The following ABCA5 variants were observed in gnomAD, a reference collection of about 807,000 sequenced individuals.
The protein encoded by ABCA5 is cholesterol transporter ABCA5.
In ABCA5, 163 loss-of-function variants were observed where a neutral mutation model predicts 206.0. That is an observed-to-expected ratio of 0.79 (90% CI 0.70 to 0.90). ABCA5 has a LOEUF of 0.90. ABCA5 is among the 40% of genes least tolerant of loss of function. The pLI, the probability that ABCA5 is intolerant of heterozygous loss-of-function variation, is 0.00. For missense variants in ABCA5, 1,859 were observed against 1,912.9 expected (o/e 0.97, Z 0.53); for synonymous variants, 609 against 613.8 (o/e 0.99, Z 0.11).
chr17:69,256,643 A>G (rs1262286964), intron 28 of ABCA5, among the ~76,000 whole-genome samples: 2 of 151,304 alleles, frequency 1.3e-5, no homozygotes, highest in Non-Finnish European at 2.9e-5. Context: ...TTTAGTAGAG[A>G]CAGGGTTTCA....
Position 69,270,975 on chromosome 17 carries a change from G to A in ABCA5, c.2892+187C>T, listed in dbSNP as rs1000799920. Among the ~76,000 whole-genome samples, 7 of 152,142 alleles carry A rather than the reference G, an allele frequency of 4.6e-5. No homozygotes were observed. The East Asian group carries it at 1.3e-3, about 29-fold the overall frequency. On this transcript the variant is annotated intron_variant, in intron 21 of 38. Transcript: ENST00000392676. ...TAATTTTTTAAAAAACTAAATTTCTGTAACTTTATATATTGGTCATCTGTG... is the reference window on the plus strand; with the variant it reads ...TAATTTTTTAAAAAACTAAATTTCTATAACTTTATATATTGGTCATCTGTG...
rs1478797331 is a variant in ABCA5, at chr17:69,327,116, G to A, written c.-80C>T. On this transcript the variant is annotated 5_prime_UTR_variant, in exon 1 of 39. Coordinates refer to ENST00000392676, the MANE Select transcript of ABCA5 (RefSeq NM_172232.4). ...CTCAGTCTGTTGACTCAGTGCGGGTGACCCAGCTGGGATCTGTGCGAGGGC... is the reference window on the plus strand; with the variant it reads ...CTCAGTCTGTTGACTCAGTGCGGGTAACCCAGCTGGGATCTGTGCGAGGGC... 6.6e-6 allele frequency: 1 copy of A among 152,042 alleles called. No individual in the cohort carries two copies. The allele number at this position is 152,042 out of a possible 1,614,324, so 9.4% of individuals were successfully genotyped here.
At chr17:69,252,356 T>C (rs2075024724) in intron 34 of ABCA5, among the ~76,000 whole-genome samples, 1 of 152,028 alleles carries the variant, frequency 6.6e-6, no homozygotes, top group South Asian at 2.1e-4. Flanking sequence ...TTTTGAAAGC[T>C]TGTCAAATGG....
chr17:69,254,257 T>C, intron 32 of ABCA5, 58 bp downstream of exon 32: 1 of 1,382,952 alleles, frequency 7.2e-7, no homozygotes, highest in Non-Finnish European at 9.7e-7. Context: ...ATTTTAAAAA[T>C]ATGAAATGCA....
rs2075451713 is a variant in ABCA5, at chr17:69,286,284, A to G, written c.2069T>C (p.Met690Thr). The G allele has an allele frequency of 6.3e-7, 1 of 1,591,110 alleles. No individual in the cohort carries two copies. Among genetic ancestry groups the G allele is most frequent in the Admixed American group, 1.9e-5 (1 of 51,570 alleles). The change falls in exon 16 of 39, where the codon ATG becomes ACG. Residue 690 changes from methionine to threonine, a missense_variant. Met to Thr is a moderately conservative substitution (Grantham distance 81, BLOSUM62 -1). Transcript: ENST00000392676. ...ADRKAVISQGMLKCVGSSMFL... is the reference protein window; with the variant it reads ...ADRKAVISQGTLKCVGSSMFL... Reference sequence around the variant, plus strand: ...CATTGAAGAACCAACACATTTCAGCATTCCTTGTGATATCACAGCTTTCCT... The same window carrying G: ...CATTGAAGAACCAACACATTTCAGCGTTCCTTGTGATATCACAGCTTTCCT...
intron 24 of ABCA5, among the ~76,000 whole-genome samples, chr17:69,263,278 T>C (rs1275172395): frequency 6.6e-6 from 1 of 152,216 alleles, no homozygotes; most frequent in Non-Finnish European, 1.5e-5. Context: ...GCAATTGCTT[T>C]TGAAGACTTA....
chr17:69,285,476 T>C (rs1376706456), intron 17 of ABCA5: 2 of 152,220 alleles, frequency 1.3e-5, no homozygotes, highest in Non-Finnish European at 2.9e-5. Context: ...TAAAAAATAA[T>C]GCCTCAATTA....
At chr17:69,250,012 A>C (rs1439394756) in intron 36 of ABCA5, 28 bp from the exon 37 acceptor site, 6 of 1,365,996 alleles carry the variant, frequency 4.4e-6, no homozygotes, top group Non-Finnish European at 5.9e-6. Flanking sequence ...ATATGGAAAA[A>C]AATTAAAAAT....
chr17:69,255,303 T>A (rs1228536958), intron 31 of ABCA5, among the ~76,000 whole-genome samples: 2 of 152,184 alleles, frequency 1.3e-5, no homozygotes, highest in Non-Finnish European at 2.9e-5. Context: ...AACTCACGCA[T>A]GTAAGCATTA....
intron 10 of ABCA5, 98 bp from the exon 11 acceptor site, chr17:69,294,811 TAAG>T (rs2075568646): frequency 3.0e-6 from 2 of 660,748 alleles, no homozygotes; most frequent in Non-Finnish European, 2.4e-6. Flanking sequence ...TCACATTTTA[TAAG>T]AATAATAAAA....
At chr17:69,287,555 T>C in intron 15 of ABCA5, 58 bp downstream of exon 15, 4 of 1,557,276 alleles carry the variant, frequency 2.6e-6, no homozygotes, top group East Asian at 2.3e-5. Flanking sequence ...AGCATCTCTA[T>C]ATCCATCTTC....
At chr17:69,322,803 CAT>C (rs2075875045) in intron 1 of ABCA5, among the ~76,000 whole-genome samples, 2 of 152,056 alleles carry the variant, frequency 1.3e-5, no homozygotes, top group South Asian at 4.1e-4. Context: ...AAATTATTTT[CAT>C]AGAGACCTGA....
chr17:69,265,899 A>G (rs140004177), intron 23 of ABCA5, among the ~76,000 whole-genome samples: 33 of 152,328 alleles, frequency 2.2e-4, no homozygotes, highest in Non-Finnish European at 4.1e-4. Context: ...TAAAATTAAC[A>G]TGTATAATTC....
rs2074963488 is a variant in ABCA5, at chr17:69,247,461, A to T, written c.*76T>A. 2 of 1,021,474 alleles carry T rather than the reference A, an allele frequency of 2.0e-6. No individual in the cohort carries two copies. The highest frequency in any genetic ancestry group is 2.9e-6 in the Non-Finnish European group (2 of 689,662). The allele number at this position is 1,021,474 out of a possible 1,614,324, so 63.3% of individuals were successfully genotyped here. A position where few individuals can be genotyped will look rare whatever the true frequency, so the allele number is the denominator to read the frequency against. On this transcript the variant is annotated 3_prime_UTR_variant, in exon 39 of 39. Transcript: ENST00000392676. ...TTGGTTCTCCAGTTACCATTCCAAT[A>T]AAAAACTTTTTAAACCAAAGTTAAA...
intron 37 of ABCA5, 104 bp downstream of exon 37, chr17:69,249,801 T>C: frequency 1.4e-6 from 2 of 1,427,146 alleles, no homozygotes; most frequent in Non-Finnish European, 1.9e-6. Flanking sequence ...ACAACATAAG[T>C]GCTTTTCAAC....
chr17:69,258,937 A>T (rs1314289980), intron 28 of ABCA5, among the ~76,000 whole-genome samples: 1 of 152,112 alleles, frequency 6.6e-6, no homozygotes, highest in African/African-American at 2.4e-5. Flanking sequence ...AAGAATATGT[A>T]AAAAAGACAA....
chr17:69,306,600 A>G, intron 6 of ABCA5, 125 bp downstream of exon 6: 1 of 416,478 alleles, frequency 2.4e-6, no homozygotes. Flanking sequence ...GACTAAGGCA[A>G]TCATTGTAAG....
Position 69,247,647 on chromosome 17 carries a change from A to G in ABCA5, c.4822-3T>C. 1 of 1,573,128 alleles carries G rather than the reference A, an allele frequency of 6.4e-7. No homozygotes were observed. The highest frequency in any genetic ancestry group is 8.7e-7 in the Non-Finnish European group (1 of 1,150,678). ...TCTTTAGTGAGTTCTACAAAAACCT[A>G]GGTGAAAAGAAATAAATGAATACAG... On this transcript the variant is annotated splice_region_variant and splice_polypyrimidine_tract_variant and intron_variant, in intron 38 of 38. Transcript: ENST00000392676.
intron 26 of ABCA5, 73 bp from the exon 27 acceptor site, chr17:69,260,485 T>C: frequency 9.5e-7 from 1 of 1,051,544 alleles, no homozygotes; most frequent in Non-Finnish European, 1.4e-6. Flanking sequence ...AAAAAATGTA[T>C]TTTGTTTAGC....
Sources: allele counts gnomAD v4.1 joint callset (sites outside exome capture counted in the v4.1 genomes callset), GRCh38; gene constraint gnomAD v4.1.1; transcripts MANE v1.5; gene names NCBI Gene and HGNC (gene_info 2026-07-23, HGNC 2026-07-21).